The following MMP24 variants were observed in gnomAD, a reference collection of about 807,000 sequenced individuals.
MMP24 encodes the protein matrix metallopeptidase 24.
A neutral mutation model predicts 62.8 loss-of-function variants in MMP24; 25 were observed. The ratio of observed to expected loss-of-function variants is 0.40; its 90% CI spans 0.29 to 0.56. MMP24 has a LOEUF of 0.56. Among genes scored for constraint, MMP24 ranks in the 20% least tolerant of loss-of-function variants. The probability of loss-of-function intolerance (pLI) is 0.50; values close to 1 mark genes in which losing one functional copy is unlikely to be tolerated. For missense variants in MMP24, 634 were observed against 853.6 expected (o/e 0.74, Z 3.21); for synonymous variants, 319 against 350.5 (o/e 0.91, Z 1.00).
intron 1 of MMP24, 49 bp downstream of exon 1, chr20:35,227,033 G>T: frequency 1.0e-6 from 1 of 978,736 alleles, no homozygotes; most frequent in Non-Finnish European, 1.2e-6. Flanking sequence ...CATCCGGGCA[G>T]GGCGGGGGGC....
At chr20:35,263,647 T>G (rs2060615992) in intron 4 of MMP24, 144 bp from the exon 5 acceptor site, 1 of 607,412 alleles carries the variant, frequency 1.6e-6, no homozygotes, top group Non-Finnish European at 2.7e-6. Flanking sequence ...GCAGGGGTTG[T>G]GCCTGATTTC....
intron 2 of MMP24, among the ~76,000 whole-genome samples, chr20:35,249,592 C>CTTT (rs573444436): frequency 7.0e-6 from 1 of 143,852 alleles, no homozygotes; most frequent in Non-Finnish European, 1.5e-5. Context: ...ATAATAATTT[C>CTTT]TTTTTTTTTT....
Position 35,271,910 on chromosome 20 carries a change from T to G in MMP24, c.1600+75T>G. 1 of 1,466,262 alleles carries G rather than the reference T, an allele frequency of 6.8e-7. No homozygotes were observed. Among genetic ancestry groups the G allele is most frequent in the Non-Finnish European group, 9.1e-7 (1 of 1,101,628 alleles). The allele number at this position is 1,466,262 out of a possible 1,614,324, so 90.8% of individuals were successfully genotyped here. Reference sequence around the variant, plus strand: ...TCCTCACCAGTGCCCACGGGCATACTCAGTGCCCATGGGCGTCCAGGTTTG... The same window carrying G: ...TCCTCACCAGTGCCCACGGGCATACGCAGTGCCCATGGGCGTCCAGGTTTG... On this transcript the variant is annotated intron_variant, in intron 8 of 8. Transcript: ENST00000246186. The surrounding 1 kb of genome is among the most constrained non-coding windows in gnomAD (Gnocchi z 4.0).
chr20:35,271,980 T>C lies in MMP24; in HGVS notation c.1600+145T>C. ...ACAACTGCCTCATATCTACCCATGT[T>C]CACGTGGTCCATTAATTCACTTACC... On this transcript the variant is annotated intron_variant, in intron 8 of 8. Coordinates refer to ENST00000246186, the MANE Select transcript of MMP24 (RefSeq NM_006690.4). The surrounding 1 kb of genome is among the most constrained non-coding windows in gnomAD (Gnocchi z 4.0). 1 of 892,420 alleles carries C rather than the reference T, an allele frequency of 1.1e-6. No individual in the cohort carries two copies. Among genetic ancestry groups the C allele is most frequent in the Non-Finnish European group, 1.7e-6 (1 of 604,870 alleles). 55.3% of individuals were successfully genotyped at this position (892,420 alleles called of 1,614,324 possible).
At chr20:35,267,042 T>C (rs1389532725) in intron 5 of MMP24, among the ~76,000 whole-genome samples, 163 bp from the exon 6 acceptor site, 1 of 152,072 alleles carries the variant, frequency 6.6e-6, no homozygotes, top group African/African-American at 2.4e-5. Flanking sequence ...CTAATGGCTA[T>C]TTTCATCCAT....
At chr20:35,257,387 C>G (rs548277444) in intron 4 of MMP24, among the ~76,000 whole-genome samples, 1 of 152,216 alleles carries the variant, frequency 6.6e-6, no homozygotes, top group African/African-American at 2.4e-5. Flanking sequence ...ATTTTTGGAT[C>G]GGTGTCAACG....
intron 1 of MMP24, among the ~76,000 whole-genome samples, chr20:35,235,089 C>T (rs556592451): frequency 1.3e-5 from 2 of 152,280 alleles, no homozygotes; most frequent in African/African-American, 4.8e-5. Flanking sequence ...TTAGTTCAAC[C>T]ATCTCCCTGT....
At chr20:35,233,055 C>G (rs2146199797) in intron 1 of MMP24, among the ~76,000 whole-genome samples, 1 of 152,214 alleles carries the variant, frequency 6.6e-6, no homozygotes, top group Admixed American at 6.5e-5. Flanking sequence ...TGCCTGTTAG[C>G]AGTAATTTAA....
At chr20:35,272,948 C>T (rs534376798) in intron 8 of MMP24, among the ~76,000 whole-genome samples, 1 of 152,188 alleles carries the variant, frequency 6.6e-6, no homozygotes. Context: ...TATATTTTAG[C>T]TGCTATCGTC....
At chr20:35,258,914 G>A (rs2060588330) in intron 4 of MMP24, among the ~76,000 whole-genome samples, 1 of 152,250 alleles carries the variant, frequency 6.6e-6, no homozygotes, top group South Asian at 2.1e-4. Context: ...TGCGATGGGA[G>A]CACTGGAGTA....
In MMP24 at chr20:35,274,523, C is replaced by T; in HGVS notation, c.1852C>T (p.Leu618=). The T allele has an allele frequency of 1.9e-6, 3 of 1,614,022 alleles. No individual in the cohort carries two copies. The highest frequency in any genetic ancestry group is 1.7e-6 in the Non-Finnish European group (2 of 1,179,886). The change falls in exon 9 of 9, where the codon CTG becomes TTG. Residue 618 remains leucine, a synonymous_variant. Transcript: ENST00000246186. The surrounding 1 kb of genome is among the most constrained non-coding windows in gnomAD (Gnocchi z 5.1). ...PCILSLCILV[L]VYTIFQFKNK... is the part of the protein sequence containing the mutation. ...CATCCTGTCCCTCTGCATCCTGGTG[C>T]TGGTCTACACCATCTTCCAGTTCAA...
At chr20:35,246,701 G>C in intron 1 of MMP24, 139 bp from the exon 2 acceptor site, 2 of 936,756 alleles carry the variant, frequency 2.1e-6, no homozygotes, top group South Asian at 1.6e-5. Context: ...GCAGGATGGG[G>C]TGAAGGAAAA....
chr20:35,229,794 G>T (rs1170258642), intron 1 of MMP24, among the ~76,000 whole-genome samples: 1 of 151,818 alleles, frequency 6.6e-6, no homozygotes, highest in East Asian at 1.9e-4. Flanking sequence ...TATTTCTCTG[G>T]ACATTGTCAC....
chr20:35,268,174 T>C (rs2060646315), intron 6 of MMP24, among the ~76,000 whole-genome samples: 1 of 152,066 alleles, frequency 6.6e-6, no homozygotes, highest in African/African-American at 2.4e-5. Flanking sequence ...GTCCAAAATA[T>C]CTGGAACATT....
intron 4 of MMP24, among the ~76,000 whole-genome samples, chr20:35,259,446 A>G (rs61105929): frequency 7.6e-4 from 115 of 152,282 alleles, no homozygotes; most frequent in African/African-American, 2.7e-3. Flanking sequence ...ACTAGTGGCA[A>G]TCACGTGGGG....
intron 4 of MMP24, chr20:35,262,961 GTAAGGTTATAGAT>G (rs2060611945): frequency 6.6e-6 from 1 of 152,094 alleles, no homozygotes; most frequent in East Asian, 1.9e-4. Flanking sequence ...AGGGTTGGGG[GTAAGGTTATAGAT>G]TAACAGAATC....
chr20:35,271,583 G>C lies in MMP24; in HGVS notation c.1348G>C (p.Val450Leu), dbSNP rs2060669425. The change falls in exon 8 of 9, where the codon GTG becomes CTG. Residue 450 changes from valine (V) to leucine (L), a missense_variant. By Grantham distance (32) the Val-to-Leu change is conservative. This residue lies in a region of MMP24 where 399 missense variants were observed against 530.8 expected (regional missense o/e 0.75). Coordinates refer to ENST00000246186, the MANE Select transcript of MMP24 (RefSeq NM_006690.4). This position sits in a 1 kb window ranked among gnomAD's most constrained non-coding sequence, Gnocchi z 4.0. ...CTTGGCCACAGGTGACAAGTATTGG[G>C]TGTTTAAGGAGGTGACGGTGGAGCC... Reference protein sequence around the residue: ...FVFFKGDKYWVFKEVTVEPGY... With the variant: ...FVFFKGDKYWLFKEVTVEPGY... 3 of 1,613,254 alleles carry C rather than the reference G, an allele frequency of 1.9e-6. No individual in the cohort carries two copies. The highest frequency in any genetic ancestry group is 2.5e-6 in the Non-Finnish European group (3 of 1,179,632).
At chr20:35,241,341 T>C (rs747200190) in intron 1 of MMP24, among the ~76,000 whole-genome samples, 2 of 152,144 alleles carry the variant, frequency 1.3e-5, no homozygotes, top group Non-Finnish European at 2.9e-5. Flanking sequence ...CACATAATGC[T>C]AGTCCAACTT....
intron 4 of MMP24, among the ~76,000 whole-genome samples, chr20:35,260,661 T>A (rs1233548885): frequency 1.3e-5 from 2 of 152,248 alleles, no homozygotes; most frequent in Non-Finnish European, 2.9e-5. Context: ...AGTAAGGAGC[T>A]GGGGGCGGCC....
Sources: gnomAD v4.1 joint callset for allele counts (sites outside exome capture counted in the v4.1 genomes callset) on GRCh38, gnomAD v4.1.1 for gene constraint, gnomAD v4.1.1 regional missense constraint, Gnocchi (gnomAD v3.1) non-coding constraint, MANE v1.5 for transcripts, NCBI Gene and HGNC (gene_info 2026-07-23, HGNC 2026-07-21) for gene names.